Variants in SCRG1 observed in about 807,000 individuals in gnomAD.
SCRG1 encodes stimulator of chondrogenesis 1.
A neutral mutation model predicts 7.7 loss-of-function variants in SCRG1; 3 were observed. The observed-to-expected ratio is 0.39, with a 90% CI of 0.18 to 1.01. The LOEUF is 1.01. Among genes scored for constraint, SCRG1 ranks in the 50% least tolerant of loss-of-function variants. SCRG1 has a pLI of 0.36. For missense variants in SCRG1, 110 were observed against 117.2 expected, an observed-to-expected ratio of 0.94 and a Z score of 0.28; for synonymous variants, 46 against 41.2, an observed-to-expected ratio of 1.12 and a Z score of -0.44.
chr4:173,478,074 A>G, the SCRG1 span, among the ~76,000 whole-genome samples: 1 of 152,160 alleles, frequency 6.6e-6, no homozygotes, highest in African/African-American at 2.4e-5. Flanking sequence ...ATCCCTGAGG[A>G]AAAAAACTGG....
the SCRG1 span, among the ~76,000 whole-genome samples, chr4:173,513,137 T>A: frequency 6.6e-6 from 1 of 152,232 alleles, no homozygotes. Flanking sequence ...CATTTTGAGT[T>A]GGAGAGAGGG....
upstream of SCRG1, among the ~76,000 whole-genome samples, chr4:173,400,304 TG>T (rs1225671302): frequency 2.6e-5 from 4 of 152,188 alleles, no homozygotes; most frequent in Non-Finnish European, 5.9e-5. Flanking sequence ...CTTGGGCCTT[TG>T]GACGATGATA....
chr4:173,492,786 C>T, the SCRG1 span, among the ~76,000 whole-genome samples: 6 of 152,240 alleles, frequency 3.9e-5, no homozygotes, highest in East Asian at 9.6e-4. Flanking sequence ...TTTGTACTGC[C>T]TTTCAAATCC....
At chr4:173,468,930 T>C in the SCRG1 span, 1 of 151,480 alleles carries the variant, frequency 6.6e-6, no homozygotes, top group African/African-American at 2.5e-5. Flanking sequence ...GAAAGTCTTG[T>C]TTTATCTAGA....
the SCRG1 span, among the ~76,000 whole-genome samples, chr4:173,416,911 A>AACACACACACACACACAC: frequency 1.6e-5 from 2 of 125,238 alleles, no homozygotes; most frequent in African/African-American, 6.5e-5. Context: ...CACACACCCA[A>AACACACACACACACACAC]ACACACACAC....
At chr4:173,504,720 G>C in the SCRG1 span, among the ~76,000 whole-genome samples, 24 of 152,304 alleles carry the variant, frequency 1.6e-4, no homozygotes, top group Admixed American at 9.8e-4. This position sits in a 1 kb window ranked among gnomAD's most constrained non-coding sequence, Gnocchi z 4.7. Flanking sequence ...TGCCAGGAGA[G>C]GAGATGTCAC....
the SCRG1 span, among the ~76,000 whole-genome samples, chr4:173,416,301 A>G: frequency 6.6e-6 from 1 of 152,206 alleles, no homozygotes; most frequent in Non-Finnish European, 1.5e-5. Context: ...CACGGCTCAG[A>G]CGCCTGTGCG....
the SCRG1 span, among the ~76,000 whole-genome samples, chr4:173,416,911 AACACACACACACAC>A: frequency 0.014 from 1,729 of 125,122 alleles, 54 homozygotes; most frequent in East Asian, 0.041. Context: ...CACACACCCA[AACACACACACACAC>A]ACACACACAC....
At position 173,391,317 on chromosome 4, in the gene SCRG1, A is replaced by G. The variant is rs1184507189; in HGVS notation, c.98T>C (p.Leu33Pro). The change falls in exon 2 of 3, where the codon CTA becomes CCA. Residue 33 changes from leucine (L) to proline (P), a missense_variant. Leu to Pro is a moderately conservative substitution (Grantham distance 98, BLOSUM62 -3). Transcript: ENST00000296506. Reference protein sequence around the residue: ...ANRLSCYRKILKDHNCHNLPE... With the variant: ...ANRLSCYRKIPKDHNCHNLPE... ...AAGGTTGTGACAGTTGTGATCTTTT[A>G]GTATCTTTCTGTAGCAAGAGAGGCG... 1 of 1,614,150 alleles carries G rather than the reference A, an allele frequency of 6.2e-7. No homozygotes were observed. The highest frequency in any genetic ancestry group is 1.1e-5 in the South Asian group (1 of 91,080).
the SCRG1 span, among the ~76,000 whole-genome samples, chr4:173,428,495 T>C: frequency 1.3e-5 from 2 of 152,170 alleles, no homozygotes; most frequent in Admixed American, 1.3e-4. Context: ...GAGAGACATA[T>C]TATTTGATCT....
the SCRG1 span, among the ~76,000 whole-genome samples, chr4:173,510,971 CTT>C: frequency 3.3e-5 from 5 of 152,234 alleles, no homozygotes; most frequent in East Asian, 9.6e-4. The surrounding 1 kb of genome is among the most constrained non-coding windows in gnomAD (Gnocchi z 5.7). Context: ...GCTGCCTCTT[CTT>C]TTTTTGTTTT....
chr4:173,408,979 A>G (rs139219463), upstream of SCRG1, among the ~76,000 whole-genome samples: 2,975 of 148,304 alleles, frequency 0.02, 98 homozygotes, highest in African/African-American at 0.066. Context: ...GCGAAAGAGC[A>G]AGACTCAGTC....
chr4:173,473,667 A>G, the SCRG1 span, among the ~76,000 whole-genome samples: 2 of 152,146 alleles, frequency 1.3e-5, no homozygotes, highest in Non-Finnish European at 2.9e-5. Flanking sequence ...GTGCAGGACA[A>G]TTGTAAATAT....
At chr4:173,441,251 A>G in the SCRG1 span, among the ~76,000 whole-genome samples, 1 of 152,228 alleles carries the variant, frequency 6.6e-6, no homozygotes. Flanking sequence ...CACCTTCTAC[A>G]CACAAAATTT....
upstream of SCRG1, among the ~76,000 whole-genome samples, chr4:173,403,465 C>T (rs1259603613): frequency 6.6e-6 from 1 of 152,160 alleles, no homozygotes; most frequent in Non-Finnish European, 1.5e-5. Context: ...AAGGCACCCA[C>T]CTTCGTCTGC....
the SCRG1 span, among the ~76,000 whole-genome samples, chr4:173,426,292 G>A: frequency 6.6e-6 from 1 of 152,112 alleles, no homozygotes; most frequent in East Asian, 1.9e-4. Context: ...GATGTTTGAG[G>A]TTGGGTCCCA....
At chr4:173,442,089 A>C in the SCRG1 span, among the ~76,000 whole-genome samples, 1 of 152,144 alleles carries the variant, frequency 6.6e-6, no homozygotes, top group African/African-American at 2.4e-5. Context: ...GCAGGAAGAA[A>C]TATTTCGGAT....
At chr4:173,515,687 G>A in the SCRG1 span, among the ~76,000 whole-genome samples, 4 of 152,082 alleles carry the variant, frequency 2.6e-5, no homozygotes, top group African/African-American at 9.7e-5. The surrounding 1 kb of genome is among the most constrained non-coding windows in gnomAD (Gnocchi z 4.6). Flanking sequence ...CCACCTGTGA[G>A]GGCAGCAGCC....
the SCRG1 span, among the ~76,000 whole-genome samples, chr4:173,488,516 T>C: frequency 6.6e-6 from 1 of 152,202 alleles, no homozygotes; most frequent in Admixed American, 6.5e-5. Context: ...CTAGTTCTTA[T>C]CTGCTCTGAG....
Sources: allele counts gnomAD v4.1 joint callset (sites outside exome capture counted in the v4.1 genomes callset), GRCh38; gene constraint gnomAD v4.1.1; non-coding constraint Gnocchi (gnomAD v3.1); transcripts MANE v1.5; gene names NCBI Gene and HGNC (gene_info 2026-07-23, HGNC 2026-07-21).